MARCHF3: variants seen among roughly 807,000 people sequenced by gnomAD.
MARCHF3 encodes the protein E3 ubiquitin-protein ligase MARCHF3.
A neutral mutation model predicts 24.2 loss-of-function variants in MARCHF3; 13 were observed. The ratio of observed to expected loss-of-function variants is 0.54; its 90% CI spans 0.35 to 0.85. The LOEUF (loss-of-function observed/expected upper bound fraction) is 0.85. MARCHF3 is among the 40% of genes least tolerant of loss of function. MARCHF3 has a pLI of 0.01. For missense variants in MARCHF3, 276 were observed against 325.0 expected (o/e 0.85, Z 1.16); for synonymous variants, 144 against 137.3 (o/e 1.05, Z -0.34).
intron 1 of MARCHF3, among the ~76,000 whole-genome samples, chr5:126,974,059 G>A (rs1027596692): frequency 5.3e-5 from 8 of 151,394 alleles, no homozygotes; most frequent in East Asian, 3.9e-4. Context: ...CACCGCGCCC[G>A]GCTAATTTTT....
chr5:126,901,660 C>T (rs1467151607), intron 3 of MARCHF3, among the ~76,000 whole-genome samples: 1 of 152,084 alleles, frequency 6.6e-6, no homozygotes, highest in Non-Finnish European at 1.5e-5. Context: ...ACTGAAGATG[C>T]TTGTGGAGGG....
chr5:126,926,945 C>G (rs1273505734), intron 1 of MARCHF3, among the ~76,000 whole-genome samples: 2 of 152,134 alleles, frequency 1.3e-5, no homozygotes, highest in East Asian at 3.8e-4. Flanking sequence ...TCAGCCCACC[C>G]TCTTCTACAG....
chr5:126,961,801 C>T (rs1426797900), intron 1 of MARCHF3, among the ~76,000 whole-genome samples: 1 of 152,148 alleles, frequency 6.6e-6, no homozygotes, highest in South Asian at 2.1e-4. Flanking sequence ...ATGCATGGGG[C>T]AACCGGCCCC....
At chr5:126,877,599 CCTTT>C (rs975931693) in intron 4 of MARCHF3, among the ~76,000 whole-genome samples, 1 of 152,162 alleles carries the variant, frequency 6.6e-6, no homozygotes, top group Non-Finnish European at 1.5e-5. Flanking sequence ...TGGGAAATGG[CCTTT>C]CTTTGGTGGC....
At chr5:126,962,540 C>T (rs925115564) in intron 1 of MARCHF3, among the ~76,000 whole-genome samples, 6 of 151,742 alleles carry the variant, frequency 4.0e-5, no homozygotes, top group Admixed American at 3.3e-4. Context: ...GACATGATGC[C>T]ACAAGTGGAA....
chr5:126,962,543 A>C (rs936511665), intron 1 of MARCHF3, among the ~76,000 whole-genome samples: 1 of 152,128 alleles, frequency 6.6e-6, no homozygotes, highest in African/African-American at 2.4e-5. Flanking sequence ...ATGATGCCAC[A>C]AGTGGAAAAT....
chr5:126,870,277 A>ATATATG lies in MARCHF3; in HGVS notation c.*355_*356insCATATA, dbSNP rs1554118758. The stretch of plus-strand genomic sequence containing the variant: ...TCATCTAAGTTTAATATATATATAT[A>ATATATG]TGTGTGTGTGTTTGAAATAGTAATA... On this transcript the variant is annotated 3_prime_UTR_variant, in exon 5 of 5. Transcript: ENST00000308660. 5.9e-6 allele frequency: 1 copy of ATATATG among 170,596 alleles called. No homozygotes were observed. Among genetic ancestry groups the ATATATG allele is most frequent in the African/African-American group, 2.4e-5 (1 of 42,180 alleles). 10.6% of individuals were successfully genotyped at this position (170,596 alleles called of 1,614,324 possible). A position where few individuals can be genotyped will look rare whatever the true frequency, so the allele number is the denominator to read the frequency against.
intron 1 of MARCHF3, among the ~76,000 whole-genome samples, chr5:126,922,198 G>A (rs1749132176): frequency 6.6e-6 from 1 of 152,180 alleles, no homozygotes; most frequent in South Asian, 2.1e-4. Context: ...AAACCTCCAG[G>A]AGAATCATGA....
At chr5:126,985,462 T>G (rs1394789593) in intron 1 of MARCHF3, among the ~76,000 whole-genome samples, 3 of 150,742 alleles carry the variant, frequency 2.0e-5, no homozygotes, top group Admixed American at 1.3e-4. Flanking sequence ...TTAATCTGGA[T>G]GAACTTTTAT....
At chr5:126,901,133 GAGA>G (rs1754091841) in intron 3 of MARCHF3, among the ~76,000 whole-genome samples, 1 of 152,086 alleles carries the variant, frequency 6.6e-6, no homozygotes, top group African/African-American at 2.4e-5. Context: ...TATCTGCTAT[GAGA>G]AGGATACCTG....
At chr5:127,028,851 A>G (rs77797904) in intron 1 of MARCHF3, among the ~76,000 whole-genome samples, 6 of 152,214 alleles carry the variant, frequency 3.9e-5, no homozygotes, top group African/African-American at 1.4e-4. Flanking sequence ...TTGAATGAAA[A>G]TAGAACTTGA....
rs1004286236 is a variant in MARCHF3, at chr5:126,903,910, C to A, written c.393+11020G>T. Among the ~76,000 whole-genome samples, 7 of 151,574 alleles carry A rather than the reference C, an allele frequency of 4.6e-5. No homozygotes were observed. The South Asian group carries it at 6.3e-4, about 14-fold the overall frequency. On this transcript the variant is annotated intron_variant, in intron 3 of 4. Transcript: ENST00000308660. ...CATGTGCCATGCTGGTGCGCCGCACCTACTAACTCGTCATCTAGCATTAGG... is the reference window on the plus strand; with the variant it reads ...CATGTGCCATGCTGGTGCGCCGCACATACTAACTCGTCATCTAGCATTAGG...
intron 1 of MARCHF3, among the ~76,000 whole-genome samples, chr5:127,009,430 TA>T (rs1394180775): frequency 1.3e-5 from 2 of 152,234 alleles, no homozygotes; most frequent in Admixed American, 1.3e-4. Flanking sequence ...CTTAAAATAA[TA>T]AAGGATTATT....
At chr5:126,932,005 C>A in intron 1 of MARCHF3, among the ~76,000 whole-genome samples, 1 of 151,896 alleles carries the variant, frequency 6.6e-6, no homozygotes, top group East Asian at 1.9e-4. Flanking sequence ...CATCTCAGAA[C>A]ATTTGAGGAT....
At chr5:126,993,053 T>C (rs1481423513) in intron 1 of MARCHF3, among the ~76,000 whole-genome samples, 1 of 152,186 alleles carries the variant, frequency 6.6e-6, no homozygotes, top group East Asian at 1.9e-4. Flanking sequence ...ATTACAGGCG[T>C]GAGCCACTGC....
At chr5:127,008,636 T>C (rs1309614943) in intron 1 of MARCHF3, among the ~76,000 whole-genome samples, 11 of 152,230 alleles carry the variant, frequency 7.2e-5, no homozygotes, top group African/African-American at 4.8e-5. Flanking sequence ...TGTTCTATTA[T>C]GTGGAAGGTA....
At chr5:126,896,874 C>T (rs941390305) in intron 3 of MARCHF3, among the ~76,000 whole-genome samples, 2 of 151,982 alleles carry the variant, frequency 1.3e-5, no homozygotes, top group East Asian at 3.9e-4. Flanking sequence ...CCCTTTGAAC[C>T]TGTATTTGGA....
In MARCHF3 at chr5:126,892,516, C is replaced by T. The variant is rs1753732224; in HGVS notation, c.394-14122G>A. On this transcript the variant is annotated intron_variant, in intron 3 of 4. Coordinates refer to ENST00000308660, the MANE Select transcript of MARCHF3 (RefSeq NM_178450.5). ...AGCATGAAGGGTTGTTGAATTTTGTCAAAGGCTTTTTCTGCATCTATTGAG... is the reference window on the plus strand; with the variant it reads ...AGCATGAAGGGTTGTTGAATTTTGTTAAAGGCTTTTTCTGCATCTATTGAG... Among the ~76,000 whole-genome samples the T allele has an allele frequency of 2.7e-5, 4 of 148,612 alleles. 1 individual carries two copies. The South Asian group carries it at 8.9e-4, about 33-fold the overall frequency.
Position 126,991,546 on chromosome 5 carries a change from A to C in MARCHF3, c.-57+38804T>G, listed in dbSNP as rs555975953. Among the ~76,000 whole-genome samples, 9 of 152,254 alleles carry C rather than the reference A, an allele frequency of 5.9e-5. No individual in the cohort carries two copies. The South Asian group carries it at 1.9e-3, about 32-fold the overall frequency. On this transcript the variant is annotated intron_variant, in intron 1 of 4. Coordinates refer to ENST00000308660, the MANE Select transcript of MARCHF3 (RefSeq NM_178450.5). ...CATGTACCCTAGAACTTAAAGTATA[A>C]TAATAAAATAAAATAATACAAAAAT...
Sources: allele counts gnomAD v4.1 joint callset (sites outside exome capture counted in the v4.1 genomes callset), GRCh38; gene constraint gnomAD v4.1.1; transcripts MANE v1.5; gene names NCBI Gene and HGNC (gene_info 2026-07-23, HGNC 2026-07-21).